Variants in NDST3 observed in about 807,000 individuals in gnomAD.
NDST3 encodes bifunctional heparan sulfate N-deacetylase/N-sulfotransferase 3.
In NDST3, 58 loss-of-function variants were observed where a neutral mutation model predicts 96.1. That is an observed-to-expected ratio of 0.60 (90% CI 0.49 to 0.75). The LOEUF (loss-of-function observed/expected upper bound fraction) is 0.75. Among genes scored for constraint, NDST3 ranks in the 30% least tolerant of loss-of-function variants. NDST3 has a pLI of 0.00. For synonymous variants in NDST3, 333 were observed against 359.7 expected, an observed-to-expected ratio of 0.93 and a Z score of 0.84; for missense variants, 788 against 1,034.2, an observed-to-expected ratio of 0.76 and a Z score of 3.27.
At chr4:118,143,484 C>T in intron 5 of NDST3, 72 bp from the exon 6 acceptor site, 1 of 1,513,086 alleles carries the variant, frequency 6.6e-7, no homozygotes, top group African/African-American at 1.4e-5. Context: ...CTTGTGTGAG[C>T]AAAAAGCTAA....
Position 118,078,396 on chromosome 4 carries a change from AT to A in NDST3, c.981+23508del, listed in dbSNP as rs566141017. ...TTCTCATCATTTCATCTTTCTGATTATTTACATTTTCTAGCCAGTTGCATAG... is the reference window on the plus strand; with the variant it reads ...TTCTCATCATTTCATCTTTCTGATTATTACATTTTCTAGCCAGTTGCATAG... On this transcript the variant is annotated intron_variant, in intron 2 of 13. Coordinates refer to ENST00000296499, the MANE Select transcript of NDST3 (RefSeq NM_004784.3). 9.3e-4 allele frequency among the ~76,000 whole-genome samples: 142 copies of A among 152,102 alleles called. 1 individual carries two copies. Among genetic ancestry groups the A allele is most frequent in the Non-Finnish European group, 1.7e-3 (115 of 68,030 alleles).
intron 2 of NDST3, 41 bp from the exon 3 acceptor site, chr4:118,104,977 C>A: frequency 1.3e-6 from 2 of 1,541,646 alleles, no homozygotes; most frequent in Non-Finnish European, 1.8e-6. Flanking sequence ...CTTTTTAATG[C>A]CATTCTTTAC....
At chr4:118,226,287 T>TA (rs767393525) in intron 7 of NDST3, among the ~76,000 whole-genome samples, 49 of 152,290 alleles carry the variant, frequency 3.2e-4, no homozygotes, top group Non-Finnish European at 5.7e-4. Context: ...GCAGAATCCC[T>TA]AAGGTAGTAA....
chr4:118,158,783 C>T (rs1734883756), intron 6 of NDST3, among the ~76,000 whole-genome samples: 1 of 152,158 alleles, frequency 6.6e-6, no homozygotes, highest in Admixed American at 6.5e-5. Flanking sequence ...TATGCACCTC[C>T]TGTGATTCAA....
At chr4:118,160,032 C>T (rs1419423166) in intron 6 of NDST3, among the ~76,000 whole-genome samples, 2 of 151,972 alleles carry the variant, frequency 1.3e-5, no homozygotes, top group African/African-American at 2.4e-5. Flanking sequence ...TTCCCAAATA[C>T]GGAAAAGGAA....
intron 12 of NDST3, among the ~76,000 whole-genome samples, chr4:118,250,487 CTTTT>C (rs775929321): frequency 7.0e-6 from 1 of 143,882 alleles, no homozygotes; most frequent in Admixed American, 6.9e-5. Context: ...CTGTTCCAAT[CTTTT>C]TTTTTTTTTT....
At chr4:118,221,888 C>A (rs550832004) in intron 6 of NDST3, among the ~76,000 whole-genome samples, 12 of 151,340 alleles carry the variant, frequency 7.9e-5, no homozygotes, top group Admixed American at 4.0e-4. Context: ...GTGTTTATAG[C>A]AAAAATTGTT....
intron 6 of NDST3, 142 bp from the exon 7 acceptor site, chr4:118,224,349 C>A: frequency 1.7e-6 from 1 of 583,210 alleles, no homozygotes; most frequent in Non-Finnish European, 2.9e-6. Flanking sequence ...GTTTGAGGGA[C>A]ATGTCCCAAA....
At chr4:118,143,219 A>T (rs1339833146) in intron 5 of NDST3, among the ~76,000 whole-genome samples, 1 of 152,134 alleles carries the variant, frequency 6.6e-6, no homozygotes, top group African/African-American at 2.4e-5. Context: ...TACTTTTTTT[A>T]AAGTCTCATT....
intron 2 of NDST3, among the ~76,000 whole-genome samples, chr4:118,071,476 T>C (rs1320494415): frequency 6.6e-6 from 1 of 152,114 alleles, no homozygotes; most frequent in South Asian, 2.1e-4. Context: ...TATGTACTCA[T>C]TGTTTAGCTC....
At chr4:118,105,825 T>A (rs1206832831) in intron 3 of NDST3, among the ~76,000 whole-genome samples, 1 of 152,218 alleles carries the variant, frequency 6.6e-6, no homozygotes, top group Non-Finnish European at 1.5e-5. Context: ...TTTCTGTTAA[T>A]CATCAACTAG....
chr4:118,238,145 GAAAA>G (rs1740764006), intron 10 of NDST3, among the ~76,000 whole-genome samples: 1 of 121,346 alleles, frequency 8.2e-6, no homozygotes, highest in Non-Finnish European at 1.7e-5. Context: ...GAGAGAGAGA[GAAAA>G]GAAAGAAAAG....
At chr4:118,238,994 T>C (rs779718558) in intron 10 of NDST3, among the ~76,000 whole-genome samples, 28 of 152,224 alleles carry the variant, frequency 1.8e-4, no homozygotes, top group Non-Finnish European at 3.7e-4. Flanking sequence ...AAAAGCAGAC[T>C]GAGGGTCCTA....
Position 118,240,684 on chromosome 4 carries a change from C to A in NDST3, c.2279C>A (p.Pro760His). 6.2e-7 allele frequency: 1 copy of A among 1,613,124 alleles called. No individual in the cohort carries two copies. The highest frequency in any genetic ancestry group is 8.5e-7 in the Non-Finnish European group (1 of 1,179,546). The change falls in exon 11 of 14, where the codon CCC becomes CAC. Residue 760 changes from proline (P) to histidine (H), a missense_variant. Physicochemically the swap from Pro to His is moderately conservative, Grantham distance 77. Coordinates refer to ENST00000296499, the MANE Select transcript of NDST3 (RefSeq NM_004784.3). Reference protein sequence around the residue: ...SHIERWLVYFPPFQLLIIDGQ... With the variant: ...SHIERWLVYFHPFQLLIIDGQ... ...ATCGAGAGATGGCTTGTTTATTTCC[C>A]CCCATTTCAGGTATGGAGTAATAAG...
chr4:118,072,353 A>G (rs1239417821), intron 2 of NDST3, among the ~76,000 whole-genome samples: 2 of 152,078 alleles, frequency 1.3e-5, no homozygotes, highest in Admixed American at 6.6e-5. Context: ...GATTCTTCCT[A>G]TTCATGAGCA....
At chr4:118,249,777 C>A (rs1228329028) in intron 12 of NDST3, among the ~76,000 whole-genome samples, 1 of 151,232 alleles carries the variant, frequency 6.6e-6, no homozygotes, top group Non-Finnish European at 1.5e-5. Context: ...ATCACACTAT[C>A]ATTTTAAGTG....
chr4:118,085,028 G>A (rs1560631538), intron 2 of NDST3, among the ~76,000 whole-genome samples: 1 of 152,112 alleles, frequency 6.6e-6, no homozygotes, highest in Non-Finnish European at 1.5e-5. Flanking sequence ...GGAGGCTGAG[G>A]CAGGGAATTG....
intron 1 of NDST3, among the ~76,000 whole-genome samples, chr4:118,040,411 G>C (rs1373928847): frequency 6.6e-6 from 1 of 152,084 alleles, no homozygotes; most frequent in African/African-American, 2.4e-5. Context: ...CAAGGACATG[G>C]TGCTGGTTAT....
At chr4:118,152,918 CCT>C (rs917779144) in intron 6 of NDST3, among the ~76,000 whole-genome samples, 2 of 152,170 alleles carry the variant, frequency 1.3e-5, no homozygotes, top group Non-Finnish European at 2.9e-5. Context: ...CTTCAGCTCA[CCT>C]TTCTGAGTCA....
Sources: allele counts gnomAD v4.1 joint callset (sites outside exome capture counted in the v4.1 genomes callset), GRCh38; gene constraint gnomAD v4.1.1; transcripts MANE v1.5; gene names NCBI Gene and HGNC (gene_info 2026-07-23, HGNC 2026-07-21).